Variants in FAM133A observed in about 807,000 individuals in gnomAD.
FAM133A encodes the protein protein FAM133A.
For synonymous variants in FAM133A, 65 were observed against 58.6 expected (o/e 1.11, Z -0.50); for missense variants, 159 against 164.4 (o/e 0.97, Z 0.18).
intron 2 of FAM133A, among the ~76,000 whole-genome samples, chrX:93,676,019 G>T (rs2070191541): frequency 9.0e-6 from 1 of 110,766 alleles, no homozygotes; most frequent in Admixed American, 9.6e-5. Context: ...ATGAGTTAGG[G>T]ATCCAGATTT....
chrX:93,697,362 G>A (rs954479451), intron 2 of FAM133A, among the ~76,000 whole-genome samples: 1 of 109,821 alleles, frequency 9.1e-6, no homozygotes, highest in African/African-American at 3.3e-5. Context: ...ACCTTAAAAA[G>A]CATTTATTTA....
At chrX:93,691,661 G>A (rs1175643200) in intron 2 of FAM133A, among the ~76,000 whole-genome samples, 1 of 111,686 alleles carries the variant, frequency 9.0e-6, no homozygotes, top group Non-Finnish European at 1.9e-5. Flanking sequence ...CAATGTGTCA[G>A]TTTTAGATCA....
intron 2 of FAM133A, among the ~76,000 whole-genome samples, chrX:93,692,863 C>A (rs1602816467): frequency 9.0e-6 from 1 of 111,356 alleles, no homozygotes; most frequent in South Asian, 3.7e-4. Flanking sequence ...ATAGACACTC[C>A]ATAAATATTG....
At chrX:93,689,059 T>A (rs926413136) in intron 2 of FAM133A, among the ~76,000 whole-genome samples, 1 of 109,287 alleles carries the variant, frequency 9.2e-6, no homozygotes, top group African/African-American at 3.3e-5. Flanking sequence ...AATTTTTTTT[T>A]TTTTTTTTAT....
intron 2 of FAM133A, among the ~76,000 whole-genome samples, chrX:93,693,651 T>C (rs895309386): frequency 4.5e-5 from 5 of 111,506 alleles, no homozygotes; most frequent in Non-Finnish European, 9.4e-5. Context: ...AAGATCAGCC[T>C]ATGGTTTCAT....
chrX:93,674,087 CTCTAAATAT>C (rs1288858574), upstream of FAM133A: 3 of 105,960 alleles, frequency 2.8e-5, no homozygotes, highest in African/African-American at 1.0e-4. Context: ...AAACGATTTT[CTCTAAATAT>C]TCTATGAGCA....
rs1176206846 is a variant in FAM133A, at chrX:93,698,410, A to C, written c.-179A>C. On this transcript the variant is annotated 5_prime_UTR_variant, in exon 3 of 4. Transcript: ENST00000683942. ...CTGTGGTAAAAGTGGAGAACCTGAAAAGGAACCTGGAAAGAAGCAGCTGGA... is the reference window on the plus strand; with the variant it reads ...CTGTGGTAAAAGTGGAGAACCTGAACAGGAACCTGGAAAGAAGCAGCTGGA... 8.9e-6 allele frequency: 1 copy of C among 111,744 alleles called. No homozygotes were observed. The highest frequency in any genetic ancestry group is 3.3e-5 in the African/African-American group (1 of 30,729). The allele number at this position is 111,744 out of a possible 1,213,427, so 9.2% of individuals were successfully genotyped here.
intron 2 of FAM133A, among the ~76,000 whole-genome samples, chrX:93,682,295 T>A (rs1259323264): frequency 1.8e-5 from 2 of 112,308 alleles, no homozygotes; most frequent in African/African-American, 6.5e-5. Context: ...TTTACTAAAC[T>A]TATCTTCTCC....
intron 2 of FAM133A, among the ~76,000 whole-genome samples, chrX:93,690,343 TC>T (rs910786182): frequency 1.8e-5 from 2 of 111,577 alleles, no homozygotes; most frequent in African/African-American, 6.5e-5. Flanking sequence ...TTTTCCTGTC[TC>T]CCCAGAAAGT....
intron 2 of FAM133A, among the ~76,000 whole-genome samples, chrX:93,689,733 TA>T (rs1269949727): frequency 6.3e-5 from 7 of 111,142 alleles, no homozygotes; most frequent in African/African-American, 2.3e-4. Context: ...GATATGAAGA[TA>T]GAACGTGAGG....
chrX:93,679,010 G>T (rs1924919659), intron 2 of FAM133A, among the ~76,000 whole-genome samples: 1 of 111,618 alleles, frequency 9.0e-6, no homozygotes, highest in African/African-American at 3.3e-5. Flanking sequence ...TAAAAACCTA[G>T]AAAAGAAATA....
chrX:93,689,788 G>C (rs1925774474), intron 2 of FAM133A, among the ~76,000 whole-genome samples: 1 of 111,480 alleles, frequency 9.0e-6, no homozygotes, highest in Admixed American at 9.6e-5. Flanking sequence ...AAACGAGCAA[G>C]ACTTATTTGA....
In FAM133A at chrX:93,709,341, T is replaced by C. The variant is rs965690789; in HGVS notation, c.-79T>C. The C allele has an allele frequency of 3.8e-6, 4 of 1,056,830 alleles. No individual in the cohort carries two copies. Among genetic ancestry groups the C allele is most frequent in the Middle Eastern group, 2.6e-4 (1 of 3,789 alleles). 87.1% of individuals were successfully genotyped at this position (1,056,830 alleles called of 1,213,427 possible). ...GAATGGAGCTTGCTTGATATTTCAC[T>C]AGATAAAGAATTTAAGGCGAGTATC... On this transcript the variant is annotated 5_prime_UTR_variant, in exon 4 of 4. Coordinates refer to ENST00000683942, the MANE Select transcript of FAM133A (RefSeq NM_001171109.2).
intron 3 of FAM133A, among the ~76,000 whole-genome samples, chrX:93,701,917 A>C: frequency 9.0e-6 from 1 of 111,357 alleles, no homozygotes; most frequent in Non-Finnish European, 1.9e-5. Context: ...TTAGACTTTC[A>C]AAGAATTTCA....
intron 3 of FAM133A, among the ~76,000 whole-genome samples, chrX:93,704,994 G>A (rs1362714644): frequency 1.8e-5 from 2 of 110,958 alleles, no homozygotes; most frequent in African/African-American, 6.5e-5. Flanking sequence ...CAGATGATAT[G>A]TCAGTATCTC....
At chrX:93,673,947 A>G (rs1479131787), upstream of FAM133A, 3 of 96,591 alleles carry the variant, frequency 3.1e-5, no homozygotes, top group African/African-American at 1.2e-4. Flanking sequence ...CCCACCCTGA[A>G]TTCCCGTTTA....
At chrX:93,700,387 T>A (rs1187882866) in intron 3 of FAM133A, among the ~76,000 whole-genome samples, 1 of 111,177 alleles carries the variant, frequency 9.0e-6, no homozygotes, top group Non-Finnish European at 1.9e-5. Context: ...AGGATCTCAA[T>A]AAAAATTTGT....
At chrX:93,692,849 C>G (rs924487944) in intron 2 of FAM133A, among the ~76,000 whole-genome samples, 1 of 111,310 alleles carries the variant, frequency 9.0e-6, no homozygotes, top group Non-Finnish European at 1.9e-5. Flanking sequence ...GTGTTTGGAA[C>G]ATAATAGACA....
intron 1 of FAM133A, among the ~76,000 whole-genome samples, 161 bp from the exon 2 acceptor site, chrX:93,674,520 T>C (rs1302126016): frequency 8.9e-6 from 1 of 111,812 alleles, no homozygotes; most frequent in Non-Finnish European, 1.9e-5. Context: ...CTAATGAATG[T>C]GCATCTTCTG....
Sources: allele counts gnomAD v4.1 joint callset (sites outside exome capture counted in the v4.1 genomes callset), GRCh38; gene constraint gnomAD v4.1.1; transcripts MANE v1.5; gene names NCBI Gene and HGNC (gene_info 2026-07-23, HGNC 2026-07-21).